The following DDX10 variants were observed in gnomAD, a reference collection of about 807,000 sequenced individuals.
DDX10 encodes the protein DEAD-box helicase 10, also known as probable ATP-dependent RNA helicase DDX10.
Under a neutral mutation model 104.3 loss-of-function variants are expected in DDX10, and 74 were observed. The ratio of observed to expected loss-of-function variants is 0.71; its 90% confidence interval spans 0.59 to 0.86. DDX10 has a LOEUF of 0.86. DDX10 is among the 40% of genes least tolerant of loss of function. The pLI, the probability that DDX10 is intolerant of heterozygous loss-of-function variation, is 0.00. For synonymous variants in DDX10, 351 were observed against 353.4 expected, an observed-to-expected ratio of 0.99 and a Z score of 0.08; for missense variants, 952 against 1,040.0, an observed-to-expected ratio of 0.92 and a Z score of 1.16.
At chr11:108,784,623 T>C (rs762319313) in intron 13 of DDX10, among the ~76,000 whole-genome samples, 6 of 152,218 alleles carry the variant, frequency 3.9e-5, no homozygotes, top group Non-Finnish European at 8.8e-5. Flanking sequence ...ATTGCAAATA[T>C]TTTTTCTCCG....
At chr11:108,766,381 T>C (rs1394860370) in intron 13 of DDX10, among the ~76,000 whole-genome samples, 2 of 152,218 alleles carry the variant, frequency 1.3e-5, no homozygotes, top group African/African-American at 2.4e-5. Context: ...TTTTTAAAAT[T>C]CTTTACTTCA....
intron 17 of DDX10, among the ~76,000 whole-genome samples, chr11:108,937,993 C>T (rs931247611): frequency 6.6e-6 from 1 of 152,208 alleles, no homozygotes; most frequent in African/African-American, 2.4e-5. Context: ...AGAGCTCAGG[C>T]TTGGACTCGC....
At chr11:108,682,354 CT>C (rs2094236593) in intron 6 of DDX10, among the ~76,000 whole-genome samples, 1 of 152,208 alleles carries the variant, frequency 6.6e-6, no homozygotes, top group African/African-American at 2.4e-5. Context: ...ATCCACCCGC[CT>C]CGGCCTCCCA....
At chr11:108,781,327 A>G (rs531148131) in intron 13 of DDX10, among the ~76,000 whole-genome samples, 1 of 152,194 alleles carries the variant, frequency 6.6e-6, no homozygotes, top group African/African-American at 2.4e-5. Context: ...ACCTAGGTTG[A>G]TTTCATGTCT....
chr11:108,907,330 C>CTT (rs1363386896), intron 16 of DDX10, among the ~76,000 whole-genome samples: 1 of 89,396 alleles, frequency 1.1e-5, no homozygotes, highest in Non-Finnish European at 2.9e-5. Flanking sequence ...CCTCCATTGC[C>CTT]TCTTTTTTTT....
chr11:108,675,675 A>T lies in DDX10; in HGVS notation c.327A>T (p.Val109=). The T allele has an allele frequency of 6.2e-7, 1 of 1,614,200 alleles. No homozygotes were observed. The highest frequency in any genetic ancestry group is 8.5e-7 in the Non-Finnish European group (1 of 1,180,022). The stretch of plus-strand genomic sequence containing the variant: ...GATTGGCTTTGCAAGGTAAAGATGT[A>T]CTTGGAGCGGCCAAAACTGGATCTG... ...TIGLALQGKD[V]LGAAKTGSGK... The change falls in exon 3 of 18, where the codon GTA becomes GTT. Residue 109 remains valine (V), a synonymous_variant. Coordinates refer to ENST00000322536, the MANE Select transcript of DDX10 (RefSeq NM_004398.4).
intron 16 of DDX10, among the ~76,000 whole-genome samples, chr11:108,873,196 T>TA (rs990094258): frequency 6.6e-6 from 1 of 152,086 alleles, no homozygotes; most frequent in Non-Finnish European, 1.5e-5. Flanking sequence ...TTTATTAGAG[T>TA]AAAAAATTGA....
At chr11:108,863,010 T>A (rs371061639) in intron 16 of DDX10, among the ~76,000 whole-genome samples, 1 of 152,206 alleles carries the variant, frequency 6.6e-6, no homozygotes, top group East Asian at 1.9e-4. Context: ...GAAGTGACTA[T>A]CTTCCCATGA....
chr11:108,774,287 C>CT (rs2094367025), intron 13 of DDX10, among the ~76,000 whole-genome samples: 1 of 152,234 alleles, frequency 6.6e-6, no homozygotes, highest in Admixed American at 6.5e-5. Flanking sequence ...GGGCATTGCC[C>CT]TTTGCAGGCA....
chr11:108,672,679 T>C (rs915350123), intron 1 of DDX10, among the ~76,000 whole-genome samples: 1 of 152,244 alleles, frequency 6.6e-6, no homozygotes, highest in African/African-American at 2.4e-5. Flanking sequence ...ATGCAGCTTT[T>C]TCCTTTTGCG....
chr11:108,887,418 A>G (rs1375842322), intron 16 of DDX10, among the ~76,000 whole-genome samples: 2 of 151,910 alleles, frequency 1.3e-5, no homozygotes, highest in Non-Finnish European at 2.9e-5. Flanking sequence ...TGCTTGGGAA[A>G]GAGTTGTTTT....
intron 14 of DDX10, among the ~76,000 whole-genome samples, chr11:108,839,505 A>G (rs1862607297): frequency 6.6e-6 from 1 of 152,232 alleles, no homozygotes; most frequent in Admixed American, 6.5e-5. Context: ...CCTCACAAAA[A>G]TTTATTGATT....
intron 13 of DDX10, among the ~76,000 whole-genome samples, chr11:108,764,950 C>T (rs2094354726): frequency 1.3e-5 from 2 of 152,110 alleles, no homozygotes; most frequent in South Asian, 2.1e-4. Flanking sequence ...AGTATGTTGT[C>T]TTATTTAATG....
intron 12 of DDX10, among the ~76,000 whole-genome samples, chr11:108,720,194 G>A (rs566465456): frequency 6.6e-6 from 1 of 152,320 alleles, no homozygotes; most frequent in Admixed American, 6.5e-5. Flanking sequence ...CAGAAAATTA[G>A]TTCAGTGTTC....
At chr11:108,912,299 T>C (rs1038534040) in intron 16 of DDX10, among the ~76,000 whole-genome samples, 2 of 152,158 alleles carry the variant, frequency 1.3e-5, no homozygotes, top group Non-Finnish European at 2.9e-5. Context: ...GATTAGGGTA[T>C]GGACATATGA....
chr11:108,940,181 G>A, intron 17 of DDX10, 65 bp from the exon 18 acceptor site: 1 of 1,499,192 alleles, frequency 6.7e-7, no homozygotes, highest in South Asian at 1.3e-5. Flanking sequence ...TGTTAATTTT[G>A]TCCTATTTTA....
At chr11:108,837,893 G>A (rs1361693088) in intron 13 of DDX10, among the ~76,000 whole-genome samples, 1 of 152,032 alleles carries the variant, frequency 6.6e-6, no homozygotes, top group East Asian at 1.9e-4. Flanking sequence ...AAAGTGTTGG[G>A]ATTACAGGCG....
intron 16 of DDX10, among the ~76,000 whole-genome samples, chr11:108,913,596 C>T (rs1050682961): frequency 3.9e-5 from 6 of 152,078 alleles, no homozygotes; most frequent in Non-Finnish European, 8.8e-5. Flanking sequence ...AAATGGGAGA[C>T]AGGTTTGCCT....
chr11:108,922,335 GAGA>G (rs775378008), intron 17 of DDX10: 19 of 152,072 alleles, frequency 1.2e-4, no homozygotes, highest in Non-Finnish European at 5.9e-5. Context: ...GGGAGGGGAA[GAGA>G]AGGAGAAAGA....
Sources: allele counts gnomAD v4.1 joint callset (sites outside exome capture counted in the v4.1 genomes callset), GRCh38; gene constraint gnomAD v4.1.1; transcripts MANE v1.5; gene names NCBI Gene and HGNC (gene_info 2026-07-23, HGNC 2026-07-21).